The following ACYP2 variants were observed in gnomAD, a reference collection of about 807,000 sequenced individuals.
ACYP2 encodes the protein acylphosphatase-2.
In ACYP2, 12 loss-of-function variants were observed where a neutral mutation model predicts 11.2. The ratio of observed to expected loss-of-function variants is 1.08; its 90% CI spans 0.69 to 1.74. The LOEUF (loss-of-function observed/expected upper bound fraction) is 1.74. ACYP2 is among the 40% of genes most tolerant of loss of function. The pLI, the probability that ACYP2 is intolerant of heterozygous loss-of-function variation, is 0.00. For synonymous variants in ACYP2, 43 were observed against 32.2 expected, an observed-to-expected ratio of 1.33 and a Z score of -1.13; for missense variants, 134 against 101.9, an observed-to-expected ratio of 1.31 and a Z score of -1.35.
intron 6 of ACYP2, among the ~76,000 whole-genome samples, chr2:54,191,817 T>G (rs958968351): frequency 1.3e-5 from 2 of 152,328 alleles, no homozygotes; most frequent in South Asian, 2.1e-4. Context: ...TGCTTCATTT[T>G]TCTTCTTAGC....
intron 2 of ACYP2, among the ~76,000 whole-genome samples, chr2:53,991,554 C>A (rs529670876): frequency 6.6e-6 from 1 of 151,758 alleles, no homozygotes; most frequent in East Asian, 1.9e-4. Context: ...TACAGGCATG[C>A]GCCACCACAC....
chr2:54,300,903 C>G (rs1253355295), intron 6 of ACYP2, among the ~76,000 whole-genome samples: 1 of 152,184 alleles, frequency 6.6e-6, no homozygotes, highest in African/African-American at 2.4e-5. Context: ...CCATAAGTGA[C>G]AGATGGTGGC....
intron 4 of ACYP2, among the ~76,000 whole-genome samples, chr2:54,092,499 T>C (rs559503979): frequency 1.1e-4 from 16 of 152,282 alleles, no homozygotes; most frequent in African/African-American, 3.6e-4. Flanking sequence ...GGCTAAGATT[T>C]ATCAGGGATG....
At chr2:54,138,937 G>A (rs1376000136) in intron 6 of ACYP2, among the ~76,000 whole-genome samples, 189 bp downstream of exon 3, 2 of 151,428 alleles carry the variant, frequency 1.3e-5, no homozygotes, top group East Asian at 1.9e-4. Flanking sequence ...CTACAGGTGT[G>A]AGCCACCGTG....
chr2:53,987,309 CAT>C (rs955402948), intron 2 of ACYP2, among the ~76,000 whole-genome samples: 1 of 149,200 alleles, frequency 6.7e-6, no homozygotes, highest in Non-Finnish European at 1.5e-5. Flanking sequence ...ATTTATGATA[CAT>C]ATCTTTTTAT....
chr2:54,128,753 G>A (rs1300020382), intron 4 of ACYP2, among the ~76,000 whole-genome samples: 2 of 152,032 alleles, frequency 1.3e-5, no homozygotes, highest in Non-Finnish European at 2.9e-5. Flanking sequence ...TGGCACAAAG[G>A]AAGGATTTTT....
chr2:54,224,207 G>A (rs1685910613), intron 6 of ACYP2, among the ~76,000 whole-genome samples: 2 of 152,206 alleles, frequency 1.3e-5, no homozygotes, highest in Non-Finnish European at 2.9e-5. Context: ...GCCTCATTCA[G>A]CCACACTGGC....
intron 4 of ACYP2, among the ~76,000 whole-genome samples, chr2:54,101,137 G>A (rs1678869391): frequency 6.6e-6 from 1 of 152,130 alleles, no homozygotes; most frequent in African/African-American, 2.4e-5. Context: ...CCCTGTGAGA[G>A]AGCTGCATTT....
intron 6 of ACYP2, among the ~76,000 whole-genome samples, chr2:54,161,412 A>T (rs1314153408): frequency 6.6e-6 from 1 of 152,190 alleles, no homozygotes; most frequent in African/African-American, 2.4e-5. Flanking sequence ...ACCCCTATTG[A>T]TGGGAAAACT....
chr2:53,982,558 T>TAGATAAAACTAATTCA (rs1477792791), intron 2 of ACYP2, among the ~76,000 whole-genome samples: 3 of 152,214 alleles, frequency 2.0e-5, no homozygotes, highest in Non-Finnish European at 4.4e-5. Flanking sequence ...TTAAGATCTC[T>TAGATAAAACTAATTCA]AGATAAAACT....
chr2:54,039,509 C>T (rs948202711), intron 2 of ACYP2, among the ~76,000 whole-genome samples: 2 of 152,068 alleles, frequency 1.3e-5, no homozygotes, highest in African/African-American at 4.8e-5. Flanking sequence ...CCAAGCTGAT[C>T]TCGAACTCCT....
At chr2:54,035,269 T>C (rs1409016008) in intron 2 of ACYP2, among the ~76,000 whole-genome samples, 4 of 145,414 alleles carry the variant, frequency 2.8e-5, no homozygotes, top group African/African-American at 7.6e-5. Flanking sequence ...CTTTTTCTTT[T>C]TTTTTTTTTT....
chr2:54,003,317 T>G (rs2104529164), intron 2 of ACYP2, among the ~76,000 whole-genome samples: 1 of 152,054 alleles, frequency 6.6e-6, no homozygotes, highest in South Asian at 2.1e-4. Flanking sequence ...TGGGGTGCAA[T>G]GGCGTGATCT....
intron 2 of ACYP2, among the ~76,000 whole-genome samples, chr2:53,981,182 C>T (rs1671745378): frequency 6.6e-6 from 1 of 152,032 alleles, no homozygotes; most frequent in Non-Finnish European, 1.5e-5. Context: ...AGATTTGTTG[C>T]CTAGAAGTGT....
intron 2 of ACYP2, chr2:53,975,344 C>T (rs1336903804): frequency 2.3e-5 from 9 of 398,396 alleles, no homozygotes; most frequent in Middle Eastern, 6.3e-4. Flanking sequence ...GTCTCTTCCT[C>T]TTATTCTAAA....
chr2:54,062,947 A>C (rs1676544228), intron 4 of ACYP2, among the ~76,000 whole-genome samples: 1 of 152,158 alleles, frequency 6.6e-6, no homozygotes, highest in African/African-American at 2.4e-5. Flanking sequence ...GAATTCGACT[A>C]TTTAAAGCAC....
rs546647593 is a variant in ACYP2 at position 54,085,589 on chromosome 2, C to G, written c.277+28229C>G. On this transcript the variant is annotated intron_variant, in intron 4 of 6. Coordinates refer to ENST00000607452, the MANE Select transcript of ACYP2 (RefSeq NM_001320586.2). ...AGAAATATGCTGAAGAAACTTAACT[C>G]TAGTTTATATCAATTAGCCTGTGGT... is the stretch of plus-strand genomic sequence containing the variant. Among the ~76,000 whole-genome samples, 5 of 152,144 alleles carry G rather than the reference C, an allele frequency of 3.3e-5. No individual in the cohort carries two copies. In the East Asian group the frequency reaches 5.8e-4, roughly 18 times the overall value.
intron 6 of ACYP2, among the ~76,000 whole-genome samples, chr2:54,205,554 C>T (rs1278186925): frequency 2.0e-5 from 3 of 152,226 alleles, no homozygotes; most frequent in African/African-American, 7.2e-5. Flanking sequence ...GATGAGGCAG[C>T]AGTCACATCC....
chr2:54,254,675 G>T (rs1687403006), intron 6 of ACYP2: 2 of 508,086 alleles, frequency 3.9e-6, no homozygotes, highest in Admixed American at 6.9e-5. Context: ...TCGCTTAGAA[G>T]GATGTGACCC....
Sources: gnomAD v4.1 joint callset for allele counts (sites outside exome capture counted in the v4.1 genomes callset) on GRCh38, gnomAD v4.1.1 for gene constraint, MANE v1.5 for transcripts, NCBI Gene and HGNC (gene_info 2026-07-23, HGNC 2026-07-21) for gene names.